Variants in LRRC37B observed in about 807,000 individuals in gnomAD.
LRRC37B encodes leucine rich repeat containing 37B.
A neutral mutation model predicts 98.3 loss-of-function variants in LRRC37B; 28 were observed. The observed-to-expected ratio is 0.28, with a 90% CI of 0.21 to 0.39. The LOEUF (loss-of-function observed/expected upper bound fraction) is 0.39. Ranked by LOEUF, LRRC37B falls within the 10% of genes least tolerant of loss-of-function variation. The pLI is 1.00. For missense variants in LRRC37B, 938 were observed against 1,182.7 expected (o/e 0.79, Z 3.03); for synonymous variants, 364 against 442.7 (o/e 0.82, Z 2.23).
intron 7 of LRRC37B, chr17:32,040,776 G>C (rs988237176): frequency 1.2e-6 from 1 of 839,870 alleles, no homozygotes; most frequent in Admixed American, 1.8e-5. Flanking sequence ...GCTGGATGCC[G>C]GCGAGTCCAT....
At position 32,051,763 on chromosome 17, in the gene LRRC37B, A is replaced by T. The variant is rs4037409; in HGVS notation, c.2863-1503A>T. The T allele has an allele frequency of 3.9e-5, 6 of 152,378 alleles. No individual in the cohort carries two copies. In the East Asian group the frequency reaches 5.8e-4, roughly 15 times the overall value. 9.4% of individuals were successfully genotyped at this position (152,378 alleles called of 1,614,324 possible). A position where few individuals can be genotyped will look rare whatever the true frequency, so the allele number is the denominator to read the frequency against. On this transcript the variant is annotated intron_variant, in intron 11 of 11. Transcript: ENST00000327564. ...ATAGGATTACCTTAAATTTGTAGAT[A>T]AATTTGAGAATTGACATCTGTACGA... is the stretch of plus-strand genomic sequence containing the variant.
chr17:32,025,512 G>T (rs1271533705), intron 2 of LRRC37B, among the ~76,000 whole-genome samples: 2 of 151,560 alleles, frequency 1.3e-5, no homozygotes, highest in African/African-American at 4.9e-5. Flanking sequence ...TTGTTGTGTG[G>T]TTTTTAAAAT....
At position 32,027,658 on chromosome 17, in the gene LRRC37B, C is replaced by T. The variant is rs9674959; in HGVS notation, c.1833-111C>T. 285 of 1,178,056 alleles carry T rather than the reference C, an allele frequency of 2.4e-4. No homozygotes were observed. In the African/African-American group the frequency reaches 2.9e-3, roughly 12 times the overall value. 73.0% of individuals were successfully genotyped at this position (1,178,056 alleles called of 1,614,324 possible). On this transcript the variant is annotated intron_variant, in intron 2 of 11. Coordinates refer to ENST00000327564, the Ensembl canonical transcript of LRRC37B. ...TTGAACGAAAGCAGAGCAGATCCCACCATCTTGAAATGACCATGACCCAGC... is the reference window on the plus strand; with the variant it reads ...TTGAACGAAAGCAGAGCAGATCCCATCATCTTGAAATGACCATGACCCAGC...
intron 9 of LRRC37B, chr17:32,048,833 C>G (rs1911661799): frequency 7.4e-7 from 1 of 1,359,294 alleles, no homozygotes; most frequent in African/African-American, 1.4e-5. Flanking sequence ...AAACCCTCTT[C>G]TGGAAGTAGT....
At chr17:32,010,871 A>G (rs1910509346) in intron 1 of LRRC37B, among the ~76,000 whole-genome samples, 1 of 152,196 alleles carries the variant, frequency 6.6e-6, no homozygotes, top group African/African-American at 2.4e-5. Context: ...CATATGAATG[A>G]GAATATGCGA....
exon 1 of LRRC37B, chr17:32,021,475 G>T: frequency 1.2e-6 from 2 of 1,614,164 alleles, no homozygotes; most frequent in Non-Finnish European, 1.7e-6. Context: ...CTGCCCCTGG[G>T]GCCAGAGCCG....
rs145242416 is a variant in LRRC37B at position 32,033,823 on chromosome 17, A to G, written c.2058-1087A>G. 5.7e-3 allele frequency among the ~76,000 whole-genome samples: 870 copies of G among 152,358 alleles called. 8 individuals are homozygous for G. The highest frequency in any genetic ancestry group is 0.02 in the African/African-American group (833 of 41,576). ...TAGATTCCAGCATTTTGGAATAAAA[A>G]TTCACATCAAAATGAATTTATTCAT... On this transcript the variant is annotated intron_variant, in intron 5 of 11. Transcript: ENST00000327564.
Position 32,021,379 on chromosome 17 carries a change from C to G in LRRC37B, c.314C>G (p.Ser105Cys). 1 of 1,614,030 alleles carries G rather than the reference C, an allele frequency of 6.2e-7. No homozygotes were observed. Among genetic ancestry groups the G allele is most frequent in the Non-Finnish European group, 8.5e-7 (1 of 1,179,918 alleles). Residue 105 changes from serine (S) to cysteine (C), a missense_variant, in exon 1 of 12, where the codon TCT becomes TGT. By Grantham distance (112) the Ser-to-Cys change is moderately radical (BLOSUM62 -1). Coordinates refer to ENST00000327564, the Ensembl canonical transcript of LRRC37B. ...GGGGACTTTGATTACCTGGGGCCCT[C>G]TGCTTCTTCGCAGATGTCAGCCCTG...
chr17:32,010,018 C>T (rs1401243832), intron 1 of LRRC37B, among the ~76,000 whole-genome samples: 1 of 152,162 alleles, frequency 6.6e-6, no homozygotes, highest in Non-Finnish European at 1.5e-5. Flanking sequence ...TTCTGTGATG[C>T]TCATATATTT....
chr17:32,048,270 A>G (rs1911646287), intron 9 of LRRC37B, among the ~76,000 whole-genome samples: 1 of 151,172 alleles, frequency 6.6e-6, no homozygotes, highest in African/African-American at 2.4e-5. Flanking sequence ...AAGGTGGGAA[A>G]GCACAGCACT....
intron 2 of LRRC37B, among the ~76,000 whole-genome samples, chr17:32,027,504 T>G (rs1219001117): frequency 6.6e-6 from 1 of 151,022 alleles, no homozygotes; most frequent in Non-Finnish European, 1.5e-5. Flanking sequence ...TGCTTGTGTG[T>G]GTGTGCTTGC....
chr17:32,041,404 A>G (rs1456521839), intron 7 of LRRC37B: 1 of 748,026 alleles, frequency 1.3e-6, no homozygotes. Flanking sequence ...CTGGGCTTCC[A>G]TGAGGGTGAC....
chr17:32,013,815 A>G (rs908261003), intron 1 of LRRC37B, among the ~76,000 whole-genome samples: 3 of 152,058 alleles, frequency 2.0e-5, no homozygotes, highest in African/African-American at 7.2e-5. Flanking sequence ...CATACATTGT[A>G]TATGTATGTA....
chr17:32,038,677 CA>C (rs1911320161), intron 7 of LRRC37B, among the ~76,000 whole-genome samples: 1 of 152,054 alleles, frequency 6.6e-6, no homozygotes, highest in South Asian at 2.1e-4. Flanking sequence ...GCCAACGTGG[CA>C]AAACCCCAAT....
chr17:32,010,999 C>CTTTTTTT (rs879813174), intron 1 of LRRC37B, among the ~76,000 whole-genome samples: 1 of 143,288 alleles, frequency 7.0e-6, no homozygotes. Context: ...AAGGATTTCA[C>CTTTTTTT]TTTTTTTTTT....
At chr17:32,032,809 A>G (rs1911145840) in intron 5 of LRRC37B, among the ~76,000 whole-genome samples, 1 of 152,158 alleles carries the variant, frequency 6.6e-6, no homozygotes, top group African/African-American at 2.4e-5. Flanking sequence ...GGGTAGCATC[A>G]ATACAAATGT....
chr17:32,027,453 G>A (rs1473937338), intron 2 of LRRC37B, among the ~76,000 whole-genome samples: 2 of 148,498 alleles, frequency 1.3e-5, no homozygotes, highest in African/African-American at 2.6e-5. Context: ...GCTTGCCTGT[G>A]TGTGTGTGTG....
intron 1 of LRRC37B, among the ~76,000 whole-genome samples, chr17:32,009,627 ATTC>A (rs1567845852): frequency 6.7e-6 from 1 of 150,060 alleles, no homozygotes; most frequent in Non-Finnish European, 1.5e-5. Context: ...CTTTATTGTT[ATTC>A]TTCTTTTATT....
At chr17:32,021,796 G>C in exon 1 of LRRC37B, 3 of 1,614,176 alleles carry the variant, frequency 1.9e-6, no homozygotes, top group South Asian at 2.2e-5. Flanking sequence ...AAACCTCAGC[G>C]TCAGAAACAG....
Sources: allele counts gnomAD v4.1 joint callset (sites outside exome capture counted in the v4.1 genomes callset), GRCh38; gene constraint gnomAD v4.1.1; transcripts MANE v1.5; gene names NCBI Gene and HGNC (gene_info 2026-07-23, HGNC 2026-07-21).